LPP: variants seen among roughly 807,000 people sequenced by gnomAD.
LPP encodes lipoma-preferred partner.
LPP carries 38 observed loss-of-function variants against 60.4 expected under a neutral mutation model. The observed-to-expected ratio is 0.63, with a 90% CI of 0.49 to 0.83. LPP has a LOEUF of 0.83. LPP is among the 40% of genes least tolerant of loss of function. The pLI is 0.00. For missense variants in LPP, 902 were observed against 783.6 expected (o/e 1.15, Z -1.80); for synonymous variants, 328 against 290.8 (o/e 1.13, Z -1.30).
intron 7 of LPP, among the ~76,000 whole-genome samples, chr3:188,631,944 G>A (rs993018399): frequency 3.9e-5 from 6 of 152,126 alleles, no homozygotes; most frequent in Non-Finnish European, 7.3e-5. Flanking sequence ...CTACATGAGC[G>A]TACACAGAAG....
At chr3:188,369,141 T>C (rs914395623) in intron 3 of LPP, among the ~76,000 whole-genome samples, 3 of 152,154 alleles carry the variant, frequency 2.0e-5, no homozygotes, top group Admixed American at 2.0e-4. Flanking sequence ...TGGGGAACTA[T>C]CTCACTGCAT....
intron 5 of LPP, among the ~76,000 whole-genome samples, chr3:188,491,734 G>A (rs932999047): frequency 2.6e-5 from 4 of 152,278 alleles, no homozygotes; most frequent in African/African-American, 9.6e-5. Context: ...AGTTTTCCTG[G>A]TTGCTTTTTG....
chr3:188,269,645 ATGTGTG>A (rs368115626), intron 2 of LPP, among the ~76,000 whole-genome samples: 43 of 136,510 alleles, frequency 3.1e-4, no homozygotes, highest in East Asian at 1.5e-3. Context: ...CTTTTTTTTT[ATGTGTG>A]TGTGTGTGTG....
At chr3:188,752,407 C>A (rs1446883444) in intron 8 of LPP, among the ~76,000 whole-genome samples, 3 of 152,154 alleles carry the variant, frequency 2.0e-5, no homozygotes, top group African/African-American at 7.2e-5. Context: ...TAGCTAGTAA[C>A]AAAGGCAAGA....
At chr3:188,315,371 T>G (rs1196692436) in intron 2 of LPP, among the ~76,000 whole-genome samples, 1 of 152,130 alleles carries the variant, frequency 6.6e-6, no homozygotes, top group East Asian at 1.9e-4. Context: ...CTCTACCACT[T>G]TGTAATTCTT....
intron 9 of LPP, among the ~76,000 whole-genome samples, chr3:188,864,877 T>C (rs1005319333): frequency 6.6e-6 from 1 of 152,214 alleles, no homozygotes; most frequent in African/African-American, 2.4e-5. Context: ...CTGGAAGTCA[T>C]TGGAGACAGG....
intron 2 of LPP, among the ~76,000 whole-genome samples, chr3:188,302,028 TTAGAG>T (rs1750060338): frequency 6.6e-6 from 1 of 151,982 alleles, no homozygotes; most frequent in Non-Finnish European, 1.5e-5. Context: ...CTCAGGGAGT[TTAGAG>T]ACAACATAAT....
intron 3 of LPP, among the ~76,000 whole-genome samples, chr3:188,386,267 C>T (rs1447120109): frequency 3.2e-5 from 2 of 61,926 alleles, no homozygotes; most frequent in South Asian, 4.6e-4. Flanking sequence ...CATGCGCGCA[C>T]ACACACACAC....
chr3:188,625,133 T>G (rs1315292226), intron 7 of LPP, among the ~76,000 whole-genome samples: 1 of 152,168 alleles, frequency 6.6e-6, no homozygotes, highest in Non-Finnish European at 1.5e-5. Context: ...AGACATAACT[T>G]TGTCAATACT....
intron 5 of LPP, among the ~76,000 whole-genome samples, chr3:188,508,002 T>C (rs1814073196): frequency 6.6e-6 from 1 of 152,206 alleles, no homozygotes. Context: ...TGCTAGTAAA[T>C]AAAATGATTT....
intron 9 of LPP, among the ~76,000 whole-genome samples, chr3:188,792,066 T>C (rs1325194871): frequency 6.6e-6 from 1 of 152,176 alleles, no homozygotes; most frequent in East Asian, 1.9e-4. Flanking sequence ...TTTTTGCTGC[T>C]ATACCAGGCT....
intron 3 of LPP, among the ~76,000 whole-genome samples, chr3:188,360,167 TAACTTTGAAGG>T (rs1466629530): frequency 6.6e-6 from 1 of 152,188 alleles, no homozygotes; most frequent in Admixed American, 6.5e-5. Context: ...GGTCCTACCT[TAACTTTGAAGG>T]AACGCTTTTC....
At chr3:188,393,023 G>A (rs1780062644) in intron 3 of LPP, among the ~76,000 whole-genome samples, 1 of 99,424 alleles carries the variant, frequency 1.0e-5, no homozygotes, top group East Asian at 2.9e-4. Flanking sequence ...ATGTATTTTA[G>A]ACACATTTTT....
intron 2 of LPP, among the ~76,000 whole-genome samples, chr3:188,228,240 C>T (rs73057655): frequency 0.017 from 2,578 of 152,286 alleles, 67 homozygotes; most frequent in African/African-American, 0.056. Context: ...TGCTCATGGC[C>T]ATCAAGAACA....
At chr3:188,369,126 A>G (rs1364594876) in intron 3 of LPP, among the ~76,000 whole-genome samples, 1 of 152,076 alleles carries the variant, frequency 6.6e-6, no homozygotes, top group Non-Finnish European at 1.5e-5. Flanking sequence ...GCCCATGTCT[A>G]AACCTGGGGA....
chr3:188,324,344 G>A (rs1031389039), intron 2 of LPP, among the ~76,000 whole-genome samples: 6 of 151,888 alleles, frequency 4.0e-5, no homozygotes, highest in South Asian at 2.1e-4. Flanking sequence ...TAAGTCCAAC[G>A]TTCATCACCT....
chr3:188,521,605 A>G (rs1464453432), intron 5 of LPP, among the ~76,000 whole-genome samples: 1 of 152,224 alleles, frequency 6.6e-6, no homozygotes, highest in Non-Finnish European at 1.5e-5. Context: ...TATATTATTC[A>G]TATTAATTTA....
intron 5 of LPP, among the ~76,000 whole-genome samples, chr3:188,507,457 A>T (rs1813871181): frequency 6.6e-6 from 1 of 152,084 alleles, no homozygotes; most frequent in African/African-American, 2.4e-5. Context: ...AAGGGGGAAA[A>T]AATAAATATG....
intron 6 of LPP, among the ~76,000 whole-genome samples, chr3:188,565,366 A>C (rs1831882660): frequency 6.6e-6 from 1 of 151,988 alleles, no homozygotes; most frequent in South Asian, 2.1e-4. Context: ...TTTGCAAGTA[A>C]ACAAGTTGTG....
Sources: gnomAD v4.1 joint callset for allele counts (sites outside exome capture counted in the v4.1 genomes callset) on GRCh38, gnomAD v4.1.1 for gene constraint, MANE v1.5 for transcripts, NCBI Gene and HGNC (gene_info 2026-07-23, HGNC 2026-07-21) for gene names.